Variants in VPS13B observed in about 807,000 individuals in gnomAD.
VPS13B encodes intermembrane lipid transfer protein VPS13B.
In VPS13B, 285 loss-of-function variants were observed where a neutral mutation model predicts 426.4. That is an observed-to-expected ratio of 0.67 (90% CI 0.61 to 0.74). The LOEUF (loss-of-function observed/expected upper bound fraction) is 0.74, where lower values mean the gene tolerates loss of function less well. Ranked by LOEUF, VPS13B falls within the 30% of genes least tolerant of loss-of-function variation. VPS13B has a pLI of 0.00. For synonymous variants in VPS13B, 1,676 were observed against 1,676.4 expected (o/e 1.00, Z 0.01); for missense variants, 4,537 against 4,782.6 (o/e 0.95, Z 1.51).
intron 16 of VPS13B, among the ~76,000 whole-genome samples, chr8:99,177,024 C>G (rs1459895899): frequency 6.6e-6 from 1 of 152,120 alleles, no homozygotes; most frequent in African/African-American, 2.4e-5. Flanking sequence ...GAAAGGATAT[C>G]TACCTGAACA....
intron 16 of VPS13B, among the ~76,000 whole-genome samples, chr8:99,191,749 G>A (rs1056737596): frequency 6.6e-6 from 1 of 152,078 alleles, no homozygotes; most frequent in South Asian, 2.1e-4. Flanking sequence ...GTCAGCTAGT[G>A]GGAGAAGAGA....
At chr8:99,270,129 A>ATTTTTTTTTTTTTTTTTTTTTT (rs1370378172) in intron 17 of VPS13B, among the ~76,000 whole-genome samples, 1 of 16,826 alleles carries the variant, frequency 5.9e-5, no homozygotes, top group African/African-American at 1.4e-4. Context: ...AGATATAAGA[A>ATTTTTTTTTTTTTTTTTTTTTT]TCTTTTTTTT....
intron 39 of VPS13B, among the ~76,000 whole-genome samples, chr8:99,753,717 C>T (rs1445462933): frequency 6.6e-6 from 1 of 152,126 alleles, no homozygotes; most frequent in Non-Finnish European, 1.5e-5. Flanking sequence ...AATAAAAGAA[C>T]GTTACACATT....
intron 16 of VPS13B, among the ~76,000 whole-genome samples, chr8:99,188,968 C>T (rs1237351882): frequency 3.9e-5 from 6 of 152,186 alleles, no homozygotes; most frequent in South Asian, 2.1e-4. Context: ...AGAGCGATCT[C>T]GGCTCACTGC....
At position 99,870,259 on chromosome 8, in the gene VPS13B, C is replaced by T. The variant is rs141731192; in HGVS notation, c.11393-526C>T. ...TCATAGCTCACTGCAGCCTCCAACTCCTGGGCTCAAGTGATCCTCCCACCT... is the reference window on the plus strand; with the variant it reads ...TCATAGCTCACTGCAGCCTCCAACTTCTGGGCTCAAGTGATCCTCCCACCT... On this transcript the variant is annotated intron_variant, in intron 59 of 61. Coordinates refer to ENST00000357162, the MANE Select transcript of VPS13B (RefSeq NM_152564.5). Among the ~76,000 whole-genome samples, 1,063 of 152,232 alleles carry T rather than the reference C, an allele frequency of 7.0e-3. 17 individuals are homozygous for T. The highest frequency in any genetic ancestry group is 0.025 in the African/African-American group (1,028 of 41,532).
At chr8:99,652,003 A>G (rs781505713) in intron 34 of VPS13B, among the ~76,000 whole-genome samples, 133 of 152,228 alleles carry the variant, frequency 8.7e-4, no homozygotes, top group Non-Finnish European at 2.6e-4. Flanking sequence ...CAACTAGACT[A>G]AAATACAGAA....
chr8:99,013,995 A>G lies in VPS13B; in HGVS notation c.147+60A>G, dbSNP rs75894652. On this transcript the variant is annotated intron_variant, in intron 2 of 61. Coordinates refer to ENST00000357162, the MANE Select transcript of VPS13B (RefSeq NM_152564.5). The stretch of plus-strand genomic sequence containing the variant: ...TTTCAGCTTGTTTAGACGGTAATCT[A>G]TTGTTTCCTAAGCTTTGACTTTATG... 2.0e-3 allele frequency: 3,133 copies of G among 1,592,814 alleles called. 66 individuals are homozygous for G. In the African/African-American group the frequency reaches 0.037, roughly 19 times the overall value.
chr8:99,233,525 G>A, intron 17 of VPS13B: 1 of 1,170,136 alleles, frequency 8.5e-7, no homozygotes, highest in Non-Finnish European at 1.3e-6. Flanking sequence ...TGCGGGAACG[G>A]GCCAAACTGG....
chr8:99,285,726 A>G (rs1157487304), intron 19 of VPS13B, among the ~76,000 whole-genome samples: 1 of 152,154 alleles, frequency 6.6e-6, no homozygotes, highest in African/African-American at 2.4e-5. Flanking sequence ...GCTTTCATAT[A>G]GGCCAAAAGA....
intron 17 of VPS13B, among the ~76,000 whole-genome samples, chr8:99,251,798 A>G (rs1241642016): frequency 6.6e-6 from 1 of 151,904 alleles, no homozygotes; most frequent in East Asian, 1.9e-4. Flanking sequence ...CTGGAGATTT[A>G]CTTTTTGGGT....
chr8:99,042,905 C>G (rs1411126374), intron 3 of VPS13B, among the ~76,000 whole-genome samples: 3 of 152,150 alleles, frequency 2.0e-5, no homozygotes, highest in Admixed American at 6.5e-5. Flanking sequence ...ATAGTTTCAT[C>G]TTGTACTTTA....
chr8:99,821,103 A>AACACACACACACACACACACAC (rs755074579), intron 49 of VPS13B, among the ~76,000 whole-genome samples, 191 bp from the exon 50 acceptor site: 4 of 78,372 alleles, frequency 5.1e-5, no homozygotes, highest in African/African-American at 1.5e-4. Flanking sequence ...GTCATTACAA[A>AACACACACACACACACACACAC]ACACACACAC....
intron 3 of VPS13B, among the ~76,000 whole-genome samples, chr8:99,053,017 G>C (rs575189097): frequency 2.0e-5 from 3 of 151,918 alleles, no homozygotes; most frequent in Admixed American, 1.3e-4. Flanking sequence ...AGGGTTTTTT[G>C]TGTCTCTTAT....
chr8:99,853,809 G>GA lies in VPS13B; in HGVS notation c.10425dup (p.Cys3476MetfsTer11), dbSNP rs1816414644. 1.9e-6 allele frequency: 3 copies of GA among 1,614,074 alleles called. No individual in the cohort carries two copies. The highest frequency in any genetic ancestry group is 1.7e-5 in the Admixed American group (1 of 60,002). On this transcript the variant is annotated frameshift_variant, in exon 56 of 62. Transcript: ENST00000357162. LOFTEE classifies it high-confidence loss of function. Reference sequence around the variant, plus strand: ...CAACAAAGAGTTGGAAGAATACAAGGAAAAATGTTTTATCAAACTTTGCAT... The same window carrying GA: ...CAACAAAGAGTTGGAAGAATACAAGGAAAAAATGTTTTATCAAACTTTGCAT...
intron 61 of VPS13B, among the ~76,000 whole-genome samples, chr8:99,874,491 C>A (rs1317544914): frequency 6.6e-6 from 1 of 152,152 alleles, no homozygotes; most frequent in Admixed American, 6.5e-5. Context: ...CTGGACCACA[C>A]GCAGAACTAG....
chr8:99,835,325 G>GT lies in VPS13B; in HGVS notation c.9742+2dup, dbSNP rs770968105. 15 of 1,608,056 alleles carry GT rather than the reference G, an allele frequency of 9.3e-6. No individual in the cohort carries two copies. Among genetic ancestry groups the GT allele is most frequent in the Non-Finnish European group, 1.2e-5 (14 of 1,174,856 alleles). Reference sequence around the variant, plus strand: ...ATGCTTATAAAGGAAAACATTAAAGGTATGTTTTATACTATCGAATTTAGA... The same window carrying GT: ...ATGCTTATAAAGGAAAACATTAAAGGTTATGTTTTATACTATCGAATTTAGA... On this transcript the variant is annotated splice_donor_variant, in intron 53 of 61. Coordinates refer to ENST00000357162, the MANE Select transcript of VPS13B (RefSeq NM_152564.5). LOFTEE classifies it high-confidence loss of function.
chr8:99,639,597 T>C (rs1016312711), intron 33 of VPS13B, among the ~76,000 whole-genome samples: 19 of 151,046 alleles, frequency 1.3e-4, no homozygotes, highest in African/African-American at 4.6e-4. Flanking sequence ...TACCTCACTT[T>C]CTTGACTTAT....
At chr8:99,077,325 A>G (rs1283562333) in intron 3 of VPS13B, among the ~76,000 whole-genome samples, 6 of 151,996 alleles carry the variant, frequency 3.9e-5, no homozygotes, top group African/African-American at 1.2e-4. Flanking sequence ...GGAACGTGCC[A>G]CCACACCTGG....
chr8:99,791,867 C>T (rs542430164), intron 43 of VPS13B, among the ~76,000 whole-genome samples: 9 of 152,006 alleles, frequency 5.9e-5, no homozygotes, highest in East Asian at 3.9e-4. Flanking sequence ...ACTGCAGTCA[C>T]GGCAGCACAG....
Sources: gnomAD v4.1 joint callset for allele counts (sites outside exome capture counted in the v4.1 genomes callset) on GRCh38, gnomAD v4.1.1 for gene constraint, MANE v1.5 for transcripts, NCBI Gene and HGNC (gene_info 2026-07-23, HGNC 2026-07-21) for gene names.